The following GPCPD1 variants were observed in gnomAD, a reference collection of about 807,000 sequenced individuals.
GPCPD1 encodes glycerophosphocholine phosphodiesterase 1.
Under a neutral mutation model 89.2 loss-of-function variants are expected in GPCPD1, and 29 were observed. The observed-to-expected ratio is 0.33, with a 90% confidence interval of 0.24 to 0.44. The LOEUF (loss-of-function observed/expected upper bound fraction) is 0.44, where lower values mean the gene tolerates loss of function less well. Among genes scored for constraint, GPCPD1 ranks in the 20% least tolerant of loss-of-function variants. The pLI is 1.00. For missense variants in GPCPD1, 594 were observed against 808.9 expected (o/e 0.73, Z 3.22); for synonymous variants, 258 against 266.3 (o/e 0.97, Z 0.30).
intron 3 of GPCPD1, among the ~76,000 whole-genome samples, chr20:5,595,417 C>T (rs558115233): frequency 1.1e-4 from 17 of 151,972 alleles, no homozygotes; most frequent in Non-Finnish European, 2.4e-4. Flanking sequence ...CTGAGGTGGG[C>T]GGATCATGAG....
chr20:5,559,577 C>G (rs1385389730), intron 17 of GPCPD1, among the ~76,000 whole-genome samples: 5 of 91,200 alleles, frequency 5.5e-5, no homozygotes, highest in Non-Finnish European at 1.1e-4. Context: ...GATCCTGTCT[C>G]AAAAACAATT....
At position 5,572,212 on chromosome 20, in the gene GPCPD1, G is replaced by A. The variant is rs139457942; in HGVS notation, c.1056+1703C>T. Among the ~76,000 whole-genome samples, 78 of 152,170 alleles carry A rather than the reference G, an allele frequency of 5.1e-4. No individual in the cohort carries two copies. In the East Asian group the frequency reaches 0.014, roughly 28 times the overall value. On this transcript the variant is annotated intron_variant, in intron 11 of 19. Transcript: ENST00000379019. ...CCAGCCTGGGTGACGAAGCCATCAC[G>A]TTTATAGCTAATGAAATGATGTTTA...
At chr20:5,548,002 C>T in intron 19 of GPCPD1, 152 bp from the exon 20 acceptor site, 1 of 474,230 alleles carries the variant, frequency 2.1e-6, no homozygotes, top group Non-Finnish European at 3.7e-6. Flanking sequence ...ATGAAAGTAT[C>T]CATTCTCTTT....
rs944198899 is a variant in GPCPD1, at chr20:5,544,895, G to T, written c.*2766C>A. On this transcript the variant is annotated 3_prime_UTR_variant, in exon 20 of 20. Coordinates refer to ENST00000379019, the MANE Select transcript of GPCPD1 (RefSeq NM_019593.5). ...TAGCTGTAAGCTTGGAGTTTGGATG[G>T]GAGACGACAGACAAGTGTCACAAGG... 6.6e-6 allele frequency: 1 copy of T among 152,176 alleles called. No individual in the cohort carries two copies. The highest frequency in any genetic ancestry group is 1.5e-5 in the Non-Finnish European group (1 of 68,046). The allele number at this position is 152,176 out of a possible 1,614,324, so 9.4% of individuals were successfully genotyped here. A position where few individuals can be genotyped will look rare whatever the true frequency, so the allele number is the denominator to read the frequency against.
intron 6 of GPCPD1, among the ~76,000 whole-genome samples, chr20:5,581,877 C>T (rs1244614409): frequency 8.5e-6 from 1 of 117,148 alleles, no homozygotes; most frequent in African/African-American, 3.4e-5. Flanking sequence ...CCATGCATTA[C>T]AGCTCAAGCA....
intron 7 of GPCPD1, among the ~76,000 whole-genome samples, chr20:5,579,299 C>T (rs1035222320): frequency 2.6e-5 from 4 of 151,944 alleles, no homozygotes; most frequent in South Asian, 2.1e-4. Flanking sequence ...AGAATACTTC[C>T]AAAAAATATT....
chr20:5,581,792 C>A (rs1361445028), intron 6 of GPCPD1, among the ~76,000 whole-genome samples: 1 of 121,748 alleles, frequency 8.2e-6, no homozygotes. Flanking sequence ...CTTAAGAATG[C>A]TTAATAATTG....
intron 14 of GPCPD1, 25 bp from the exon 15 acceptor site, chr20:5,565,103 C>T (rs1244600352): frequency 7.8e-7 from 1 of 1,284,780 alleles, no homozygotes; most frequent in Admixed American, 1.7e-5. Flanking sequence ...CACAAAATCT[C>T]AGTAAATAAA....
intron 7 of GPCPD1, 115 bp downstream of exon 7, chr20:5,579,893 T>C (rs2122687215): frequency 4.8e-6 from 3 of 628,750 alleles, no homozygotes; most frequent in South Asian, 4.4e-5. Context: ...CTGTAGTTAC[T>C]AGAATATGTA....
rs780048079 is a variant in GPCPD1, at chr20:5,598,718, TACTC to T, written c.146+3_146+6del. 9.1e-6 allele frequency: 14 copies of T among 1,530,506 alleles called. No individual in the cohort carries two copies. In the African/African-American group the frequency reaches 1.8e-4, roughly 19 times the overall value. 94.8% of individuals were successfully genotyped at this position (1,530,506 alleles called of 1,614,324 possible). On this transcript the variant is annotated splice_donor_5th_base_variant and intron_variant, in intron 3 of 19. Transcript: ENST00000379019. ...GTTATTCTGTAACCTCACATTTCCA[TACTC>T]ACCTTTCACCTGTGTCATTCTCTGG...
At chr20:5,596,796 G>A (rs370226597) in intron 3 of GPCPD1, among the ~76,000 whole-genome samples, 3 of 152,286 alleles carry the variant, frequency 2.0e-5, no homozygotes, top group South Asian at 2.1e-4. Context: ...TAAAACTCAC[G>A]AATATTGTCT....
chr20:5,568,865 A>G (rs1986549425), intron 12 of GPCPD1, among the ~76,000 whole-genome samples: 1 of 152,174 alleles, frequency 6.6e-6, no homozygotes, highest in African/African-American at 2.4e-5. Flanking sequence ...CCAAGATCAC[A>G]TCACTGCACT....
chr20:5,589,616 A>G (rs1979186179), intron 4 of GPCPD1, among the ~76,000 whole-genome samples: 1 of 152,184 alleles, frequency 6.6e-6, no homozygotes, highest in African/African-American at 2.4e-5. Context: ...AAATAAATAA[A>G]AACTAACAAC....
chr20:5,562,708 G>A (rs1013824016), intron 15 of GPCPD1, among the ~76,000 whole-genome samples: 3 of 152,210 alleles, frequency 2.0e-5, no homozygotes, highest in Non-Finnish European at 2.9e-5. Flanking sequence ...CAGCCCAGGA[G>A]TCTGGTGACC....
intron 3 of GPCPD1, among the ~76,000 whole-genome samples, chr20:5,595,808 G>GC (rs1018882344): frequency 4.0e-5 from 6 of 150,938 alleles, no homozygotes; most frequent in Admixed American, 6.6e-5. Flanking sequence ...AGAAAAAAAG[G>GC]GGGGGGGACA....
intron 2 of GPCPD1, among the ~76,000 whole-genome samples, chr20:5,602,067 C>T (rs1055087670): frequency 6.6e-6 from 1 of 152,232 alleles, no homozygotes; most frequent in African/African-American, 2.4e-5. Context: ...GGTCAGTCCT[C>T]TCTGCACTAC....
chr20:5,607,614 C>T (rs1980680529), intron 1 of GPCPD1, among the ~76,000 whole-genome samples: 1 of 151,814 alleles, frequency 6.6e-6, no homozygotes, highest in African/African-American at 2.4e-5. Context: ...TTCCCTTCAT[C>T]AAAATAATTT....
rs370350596 is a variant in GPCPD1 at position 5,589,506 on chromosome 20, G to C, written c.232-3237C>G. Among the ~76,000 whole-genome samples, 14 of 152,114 alleles carry C rather than the reference G, an allele frequency of 9.2e-5. No homozygotes were observed. The East Asian group carries it at 1.3e-3, about 15-fold the overall frequency. ...GCATGCCTGTAATCCCAACTACTCG[G>C]AAGGCTGATGCAGGAGACTCACTTG... On this transcript the variant is annotated intron_variant, in intron 4 of 19. Transcript: ENST00000379019.
chr20:5,555,015 A>C (rs1985667544), intron 19 of GPCPD1, among the ~76,000 whole-genome samples: 2 of 152,226 alleles, frequency 1.3e-5, no homozygotes, highest in Admixed American at 1.3e-4. Flanking sequence ...TAGAAATAGA[A>C]GTGGAACCTA....
Sources: gnomAD v4.1 joint callset for allele counts (sites outside exome capture counted in the v4.1 genomes callset) on GRCh38, gnomAD v4.1.1 for gene constraint, MANE v1.5 for transcripts, NCBI Gene and HGNC (gene_info 2026-07-23, HGNC 2026-07-21) for gene names.